INPP4B: variants seen among roughly 807,000 people sequenced by gnomAD.
The protein encoded by INPP4B is inositol polyphosphate-4-phosphatase type II B, also known as inositol polyphosphate 4-phosphatase type II.
A neutral mutation model predicts 122.5 loss-of-function variants in INPP4B; 55 were observed. The observed-to-expected ratio is 0.45, with a 90% CI of 0.36 to 0.56. The LOEUF is 0.56. INPP4B is among the 20% of genes least tolerant of loss of function. INPP4B has a pLI of 0.00. For synonymous variants in INPP4B, 403 were observed against 388.7 expected, an observed-to-expected ratio of 1.04 and a Z score of -0.43; for missense variants, 1,000 against 1,097.7, an observed-to-expected ratio of 0.91 and a Z score of 1.26.
At chr4:142,704,014 A>G (rs1328004885) in intron 2 of INPP4B, among the ~76,000 whole-genome samples, 1 of 152,106 alleles carries the variant, frequency 6.6e-6, no homozygotes, top group Non-Finnish European at 1.5e-5. Context: ...CCTCCCCAAA[A>G]CCAATGAGAG....
chr4:142,114,621 A>T (rs1293678508), intron 21 of INPP4B, among the ~76,000 whole-genome samples: 1 of 152,064 alleles, frequency 6.6e-6, no homozygotes, highest in African/African-American at 2.4e-5. Context: ...TTTTGGTGTC[A>T]TTATTATTGA....
intron 7 of INPP4B, among the ~76,000 whole-genome samples, chr4:142,359,062 G>A (rs192973832): frequency 2.9e-4 from 44 of 152,086 alleles, no homozygotes; most frequent in African/African-American, 1.0e-3. Context: ...ATCAGGAAAT[G>A]ATCCCAGCCT....
chr4:142,145,227 G>A (rs1212105634), intron 18 of INPP4B, among the ~76,000 whole-genome samples: 3 of 151,966 alleles, frequency 2.0e-5, no homozygotes, highest in African/African-American at 7.3e-5. Flanking sequence ...CTTCCTATCT[G>A]CCTACCTACC....
intron 2 of INPP4B, among the ~76,000 whole-genome samples, chr4:142,511,540 A>G (rs1050412952): frequency 6.6e-6 from 1 of 152,170 alleles, no homozygotes; most frequent in African/African-American, 2.4e-5. Context: ...ACAATACTAT[A>G]GTATAAGTAG....
At chr4:142,769,467 C>T (rs550949329) in intron 1 of INPP4B, among the ~76,000 whole-genome samples, 23 of 152,208 alleles carry the variant, frequency 1.5e-4, no homozygotes, top group Non-Finnish European at 2.5e-4. Context: ...TTTTTAACTC[C>T]GCTAATTTAC....
At chr4:142,632,136 A>C (rs1748106968) in intron 2 of INPP4B, among the ~76,000 whole-genome samples, 1 of 152,180 alleles carries the variant, frequency 6.6e-6, no homozygotes, top group Non-Finnish European at 1.5e-5. Flanking sequence ...AGGACAGTAA[A>C]TTAAGTAGAA....
intron 2 of INPP4B, among the ~76,000 whole-genome samples, chr4:142,491,309 T>G (rs1346271962): frequency 6.6e-6 from 1 of 152,040 alleles, no homozygotes; most frequent in African/African-American, 2.4e-5. Flanking sequence ...GAAGAAAACA[T>G]AGGGAAAATG....
intron 1 of INPP4B, among the ~76,000 whole-genome samples, chr4:142,793,637 C>T (rs749530076): frequency 6.6e-6 from 1 of 151,678 alleles, no homozygotes; most frequent in Non-Finnish European, 1.5e-5. Context: ...AAACATCAAA[C>T]AAAAGAAAAA....
At chr4:142,106,270 A>G (rs1787047847) in intron 23 of INPP4B, among the ~76,000 whole-genome samples, 1 of 152,182 alleles carries the variant, frequency 6.6e-6, no homozygotes, top group Non-Finnish European at 1.5e-5. Flanking sequence ...AATATATAGA[A>G]TCACATGTTG....
intron 2 of INPP4B, among the ~76,000 whole-genome samples, chr4:142,608,963 G>A (rs1381952536): frequency 6.6e-6 from 1 of 152,078 alleles, no homozygotes; most frequent in Non-Finnish European, 1.5e-5. Context: ...CCTCGATTTA[G>A]AGGAGCCTCC....
At chr4:142,789,833 C>A (rs745764411) in intron 1 of INPP4B, among the ~76,000 whole-genome samples, 1 of 151,972 alleles carries the variant, frequency 6.6e-6, no homozygotes, top group East Asian at 1.9e-4. Context: ...TGATTTCTAA[C>A]TATACTAAAA....
intron 14 of INPP4B, among the ~76,000 whole-genome samples, chr4:142,202,925 G>A (rs1278161006): frequency 3.3e-5 from 5 of 152,002 alleles, no homozygotes; most frequent in African/African-American, 1.2e-4. Context: ...CTCTCTTTTT[G>A]TGGTCTCCTT....
intron 1 of INPP4B, among the ~76,000 whole-genome samples, chr4:142,832,463 G>T (rs1390743061): frequency 6.6e-6 from 1 of 152,174 alleles, no homozygotes; most frequent in Non-Finnish European, 1.5e-5. Context: ...TTAAAGAGGA[G>T]ACAAATGGCA....
chr4:142,821,987 G>A (rs975575622), intron 1 of INPP4B, among the ~76,000 whole-genome samples: 8 of 152,100 alleles, frequency 5.3e-5, no homozygotes, highest in Non-Finnish European at 1.2e-4. Flanking sequence ...GAAGTGATAG[G>A]TGGAAGCCAT....
chr4:142,653,128 A>C (rs886340607), intron 2 of INPP4B, among the ~76,000 whole-genome samples: 4 of 152,208 alleles, frequency 2.6e-5, no homozygotes, highest in African/African-American at 9.6e-5. Context: ...TGGGGAAAGG[A>C]TCCCCTATTA....
At chr4:142,208,554 T>C (rs1425564081) in intron 13 of INPP4B, 25 bp from the exon 14 acceptor site, 2 of 1,239,860 alleles carry the variant, frequency 1.6e-6, no homozygotes, top group African/African-American at 3.0e-5. Context: ...AAATTAAACA[T>C]TATTAGTAAA....
chr4:142,789,778 A>T (rs1776275335), intron 1 of INPP4B, among the ~76,000 whole-genome samples: 1 of 152,116 alleles, frequency 6.6e-6, no homozygotes, highest in Admixed American at 6.6e-5. Flanking sequence ...ACATTGCCAA[A>T]CCAAGACTAA....
At chr4:142,465,343 A>T (rs1189319149) in intron 2 of INPP4B, among the ~76,000 whole-genome samples, 1 of 152,178 alleles carries the variant, frequency 6.6e-6, no homozygotes. Flanking sequence ...TAGTCACCTT[A>T]AATATACATC....
At chr4:142,662,165 G>A (rs558337416) in intron 2 of INPP4B, among the ~76,000 whole-genome samples, 10 of 151,984 alleles carry the variant, frequency 6.6e-5, no homozygotes, top group Non-Finnish European at 1.2e-4. Flanking sequence ...AACCTGGCAG[G>A]CGGAGCTTGT....
Sources: gnomAD v4.1 joint callset for allele counts (sites outside exome capture counted in the v4.1 genomes callset) on GRCh38, gnomAD v4.1.1 for gene constraint, MANE v1.5 for transcripts, NCBI Gene and HGNC (gene_info 2026-07-23, HGNC 2026-07-21) for gene names.